The following IPO4 variants were observed in gnomAD, a reference collection of about 807,000 sequenced individuals.
The protein encoded by IPO4 is importin 4.
In IPO4, 91 loss-of-function variants were observed where a neutral mutation model predicts 133.5. That is an observed-to-expected ratio of 0.68 (90% CI 0.58 to 0.81). The LOEUF is 0.81. IPO4 is among the 30% of genes least tolerant of loss of function. IPO4 has a pLI of 0.00. For synonymous variants in IPO4, 607 were observed against 581.6 expected, an observed-to-expected ratio of 1.04 and a Z score of -0.63; for missense variants, 1,279 against 1,386.2, an observed-to-expected ratio of 0.92 and a Z score of 1.23.
chr14:24,188,557 G>A lies in IPO4; in HGVS notation c.151C>T (p.Pro51Ser). ...LCDLLASAAD[P>S]QIRQFAAVLT... ...GGGAGAGTCAGGGGTCTCACCTGGG[G>A]GTCGGCCGCCGAGGCTAGCAGGTCG... is the stretch of plus-strand genomic sequence containing the variant. Residue 51 changes from proline to serine, a missense_variant, in exon 2 of 30, where the codon CCC becomes TCC. Coordinates refer to ENST00000354464, the MANE Select transcript of IPO4 (RefSeq NM_024658.4). 6.2e-7 allele frequency: 1 copy of A among 1,612,248 alleles called. No individual in the cohort carries two copies. Among genetic ancestry groups the A allele is most frequent in the Admixed American group, 1.7e-5 (1 of 59,922 alleles).
Position 24,186,924 on chromosome 14 carries a change from G to A in IPO4, c.710C>T (p.Pro237Leu), listed in dbSNP as rs755138015. The change falls in exon 8 of 30, where the codon CCG becomes CTG. Residue 237 changes from proline (P) to leucine (L), a missense_variant. This residue lies in a region of IPO4 where 695 missense variants were observed against 704.1 expected (regional missense o/e 0.99). Coordinates refer to ENST00000354464, the MANE Select transcript of IPO4 (RefSeq NM_024658.4). Reference sequence around the variant, plus strand: ...TTCAGAGAGGTAGGGGGTGATGACCGGCACCTCTGACTCCAACAGTTCATC... The same window carrying A: ...TTCAGAGAGGTAGGGGGTGATGACCAGCACCTCTGACTCCAACAGTTCATC... ...ALDELLESEV[P>L]VITPYLSEVL... The A allele has an allele frequency of 8.1e-6, 13 of 1,613,974 alleles. No homozygotes were observed. In the South Asian group the frequency reaches 1.1e-4, roughly 14 times the overall value.
At position 24,184,707 on chromosome 14, in the gene IPO4, G is replaced by A. The variant is rs778027144; in HGVS notation, c.1579C>T (p.Arg527Trp). 1.2e-5 allele frequency: 20 copies of A among 1,612,932 alleles called. No individual in the cohort carries two copies. Among genetic ancestry groups the A allele is most frequent in the African/African-American group, 5.3e-5 (4 of 74,920 alleles). The change falls in exon 16 of 30, where the codon CGG becomes TGG. Residue 527 changes from arginine (R) to tryptophan (W), a missense_variant. Arg to Trp is a moderately radical substitution (Grantham distance 101). This residue lies in a region of IPO4 where 695 missense variants were observed against 704.1 expected (regional missense o/e 0.99). Coordinates refer to ENST00000354464, the MANE Select transcript of IPO4 (RefSeq NM_024658.4). ...TCACGGCCTGTTAACAGGAATTCCC[G>A]CAGGTGCTCCATGATGGCAGGGAAG... ...PYFPAIMEHL[R>W]EFLLTGREDL...
At position 24,185,531 on chromosome 14, in the gene IPO4, G is replaced by A; in HGVS notation, c.1206C>T (p.Gly402=). 1 of 1,614,162 alleles carries A rather than the reference G, an allele frequency of 6.2e-7. No homozygotes were observed. The highest frequency in any genetic ancestry group is 8.5e-7 in the Non-Finnish European group (1 of 1,180,022). Reference sequence around the variant, plus strand: ...GTACAACTTGCGAGGGGTCCTCCAGGCCCTTGCACACAATCTGCAGCAGTG... The same window carrying A: ...GTACAACTTGCGAGGGGTCCTCCAGACCCTTGCACACAATCTGCAGCAGTG... The part of the protein sequence containing the change: ...LPPLLQIVCK[G]LEDPSQVVRN... Residue 402 remains glycine (G), a synonymous_variant, in exon 13 of 30, where the codon GGC becomes GGT. Coordinates refer to ENST00000354464, the MANE Select transcript of IPO4 (RefSeq NM_024658.4).
In IPO4 at chr14:24,187,464, C is replaced by A. The variant is rs1234633884; in HGVS notation, c.524G>T (p.Gly175Val). Residue 175 changes from glycine to valine, a missense_variant, in exon 6 of 30, where the codon GGG (glycine) becomes GTG (valine). By Grantham distance (109) the Gly-to-Val change is moderately radical (BLOSUM62 -3). This residue lies in a region of IPO4 where 695 missense variants were observed against 704.1 expected (regional missense o/e 0.99). Coordinates refer to ENST00000354464, the MANE Select transcript of IPO4 (RefSeq NM_024658.4). The part of the protein sequence containing the change: ...NETLGEVGSP[G>V]LLFYSLRTLT... ...AGTGCGCAGGGAGTAGAAGAGCAGCCCAGGAGAGCCCACCTCACCAAGAGT... is the reference window on the plus strand; with the variant it reads ...AGTGCGCAGGGAGTAGAAGAGCAGCACAGGAGAGCCCACCTCACCAAGAGT... 1.2e-6 allele frequency: 2 copies of A among 1,614,052 alleles called. No individual in the cohort carries two copies. Among genetic ancestry groups the A allele is most frequent in the Admixed American group, 1.7e-5 (1 of 60,010 alleles).
intron 3 of IPO4, 22 bp downstream of exon 3, chr14:24,188,322 C>T: frequency 6.2e-7 from 1 of 1,613,288 alleles, no homozygotes; most frequent in Non-Finnish European, 8.5e-7. Flanking sequence ...CCTGGCCCCG[C>T]CCCACCCCAG....
chr14:24,186,846 T>C (rs2039229840), intron 8 of IPO4, 32 bp downstream of exon 8: 2 of 1,610,836 alleles, frequency 1.2e-6, no homozygotes, highest in Middle Eastern at 1.6e-4. Context: ...CAGCAGAGCA[T>C]GTAGCAGGGG....
intron 11 of IPO4, 39 bp from the exon 12 acceptor site, chr14:24,186,009 G>C: frequency 1.9e-6 from 3 of 1,604,256 alleles, no homozygotes; most frequent in Non-Finnish European, 2.6e-6. Flanking sequence ...ACCCCAGCAA[G>C]AGCCTGCCCA....
rs749979621 is a variant in IPO4 at position 24,188,723 on chromosome 14, CG to C, written c.64del (p.Arg22ValfsTer24). ...ELLLPDTERI[R>X]RATEQLQIVL... ...CCGGTTACGCCTGCTCCGTACCCGA[CG>C]GATGCGCTCGGTGTCCGGTAGCAGC... On this transcript the variant is annotated frameshift_variant, in exon 1 of 30. Transcript: ENST00000354464. LOFTEE classifies it high-confidence loss of function. 6.4e-7 allele frequency: 1 copy of C among 1,564,778 alleles called. No homozygotes were observed. Among genetic ancestry groups the C allele is most frequent in the South Asian group, 1.2e-5 (1 of 85,134 alleles).
At chr14:24,186,513 A>G in intron 9 of IPO4, 62 bp from the exon 10 acceptor site, 1 of 1,513,382 alleles carries the variant, frequency 6.6e-7, no homozygotes, top group Non-Finnish European at 8.9e-7. Flanking sequence ...CTCACATTAA[A>G]AATTCCAGTC....
Position 24,182,114 on chromosome 14 carries a change from G to T in IPO4, c.2648C>A (p.Ala883Glu). ...AGCACCCAGGCCCTGAATAGTCTCT[G>T]CCAAGGTCCCCACTGCAAAGGACTT... ...AEKSFAVGTL[A>E]ETIQGLGAAS... Residue 883 changes from alanine to glutamate, a missense_variant, in exon 26 of 30, where the codon GCA becomes GAA. Transcript: ENST00000354464. The T allele has an allele frequency of 6.2e-7, 1 of 1,613,982 alleles. No individual in the cohort carries two copies. Among genetic ancestry groups the T allele is most frequent in the South Asian group, 1.1e-5 (1 of 91,088 alleles).
chr14:24,188,515 CAGT>C, intron 2 of IPO4, 34 bp downstream of exon 2: 1 of 1,608,256 alleles, frequency 6.2e-7, no homozygotes, highest in African/African-American at 1.3e-5. Context: ...CGGTGGCGTA[CAGT>C]GGGAAGCTCG....
Position 24,185,948 on chromosome 14 carries a change from A to G in IPO4, c.1082T>C (p.Leu361Ser), listed in dbSNP as rs1360539172. 2 of 1,614,104 alleles carry G rather than the reference A, an allele frequency of 1.2e-6. No individual in the cohort carries two copies. The highest frequency in any genetic ancestry group is 1.7e-6 in the Non-Finnish European group (2 of 1,180,016). ...GCGCTGGTATGGGCTCTCGCTCCGC[A>G]AAGCCTCTTCCAACATGGGCATCTA... ...PQLMPMLEEALRSESPYQRKA... is the reference protein window; with the variant it reads ...PQLMPMLEEASRSESPYQRKA... Residue 361 changes from leucine to serine, a missense_variant, in exon 12 of 30, where the codon TTG becomes TCG. Coordinates refer to ENST00000354464, the MANE Select transcript of IPO4 (RefSeq NM_024658.4).
At position 24,182,283 on chromosome 14, in the gene IPO4, T is replaced by C. The variant is rs371552365; in HGVS notation, c.2593A>G (p.Lys865Glu). Residue 865 changes from lysine to glutamate, a missense_variant, in exon 25 of 30, where the codon AAG (lysine) becomes GAG (glutamate). Around this residue, in one of 3 missense-constraint regions of IPO4, gnomAD observed 575 missense variants for 653.4 expected, o/e 0.88. Transcript: ENST00000354464. ...FAGFLPLLVC[K>E]TKQGCTVAEK... ...GCCAGAAGATGGACACTCACTGTCT[T>C]GCACACCAATAATGGCAGGAAACCG... 2 of 1,614,122 alleles carry C rather than the reference T, an allele frequency of 1.2e-6. No homozygotes were observed. Among genetic ancestry groups the C allele is most frequent in the Admixed American group, 1.7e-5 (1 of 60,026 alleles).
chr14:24,186,982 G>A lies in IPO4; in HGVS notation c.655-3C>T. On this transcript the variant is annotated splice_polypyrimidine_tract_variant and splice_region_variant and intron_variant, in intron 7 of 29. Coordinates refer to ENST00000354464, the MANE Select transcript of IPO4 (RefSeq NM_024658.4). ...TCAAGGGCCTCACAGGCCTTTGCCTGACAGACAAACAAGGCACAAGGTTAC... is the reference window on the plus strand; with the variant it reads ...TCAAGGGCCTCACAGGCCTTTGCCTAACAGACAAACAAGGCACAAGGTTAC... 1.2e-6 allele frequency: 2 copies of A among 1,613,742 alleles called. No homozygotes were observed. Among genetic ancestry groups the A allele is most frequent in the Non-Finnish European group, 1.7e-6 (2 of 1,179,642 alleles).
At position 24,180,736 on chromosome 14, in the gene IPO4, A is replaced by C; in HGVS notation, c.3068T>G (p.Leu1023Arg). ...PDQVIDVAPE[L>R]LRICSLILAD... ...CAGAATGAGGCTGCAGATACGCAGA[A>C]GCTCGGGAGCCACATCTATAACCTG... Residue 1023 changes from leucine to arginine, a missense_variant, in exon 29 of 30, where the codon CTT becomes CGT. Leu to Arg is a moderately radical substitution (Grantham distance 102). Coordinates refer to ENST00000354464, the MANE Select transcript of IPO4 (RefSeq NM_024658.4). 6.2e-7 allele frequency: 1 copy of C among 1,614,082 alleles called. No homozygotes were observed. Among genetic ancestry groups the C allele is most frequent in the East Asian group, 2.2e-5 (1 of 44,888 alleles).
Position 24,185,918 on chromosome 14 carries a change from G to A in IPO4, c.1112C>T (p.Ala371Val), listed in dbSNP as rs1267050856. ...CAGCACGGCCAGCACCAGGAGTCCA[G>A]CTTTGCGCTGGTATGGGCTCTCGCT... ...LRSESPYQRK[A>V]GLLVLAVLSD... Residue 371 changes from alanine (A) to valine (V), a missense_variant, in exon 12 of 30, where the codon GCT becomes GTT. Physicochemically the swap from Ala to Val is moderately conservative, Grantham distance 64. Transcript: ENST00000354464. 1 of 1,614,094 alleles carries A rather than the reference G, an allele frequency of 6.2e-7. No individual in the cohort carries two copies. The highest frequency in any genetic ancestry group is 8.5e-7 in the Non-Finnish European group (1 of 1,180,020).
Position 24,188,560 on chromosome 14 carries a change from C to A in IPO4, c.148G>T (p.Asp50Tyr). 2 of 1,612,220 alleles carry A rather than the reference C, an allele frequency of 1.2e-6. No individual in the cohort carries two copies. Among genetic ancestry groups the A allele is most frequent in the Non-Finnish European group, 1.7e-6 (2 of 1,179,368 alleles). Residue 50 changes from aspartate (D) to tyrosine (Y), a missense_variant, in exon 2 of 30, where the codon GAC becomes TAC. Asp to Tyr is a radical substitution (Grantham distance 160). This residue lies in a region of IPO4 where 695 missense variants were observed against 704.1 expected (regional missense o/e 0.99). Coordinates refer to ENST00000354464, the MANE Select transcript of IPO4 (RefSeq NM_024658.4). ...ALCDLLASAADPQIRQFAAVL... is the reference protein window; with the variant it reads ...ALCDLLASAAYPQIRQFAAVL... ...AGAGTCAGGGGTCTCACCTGGGGGTCGGCCGCCGAGGCTAGCAGGTCGCAG... is the reference window on the plus strand; with the variant it reads ...AGAGTCAGGGGTCTCACCTGGGGGTAGGCCGCCGAGGCTAGCAGGTCGCAG...
At chr14:24,188,060 A>G in intron 4 of IPO4, 156 bp downstream of exon 4, 1 of 849,412 alleles carries the variant, frequency 1.2e-6, no homozygotes, top group Admixed American at 2.4e-5. Flanking sequence ...ACCCTTCCTC[A>G]AGAACTTTAG....
intron 24 of IPO4, 156 bp downstream of exon 24, chr14:24,182,636 C>G (rs8014865): frequency 6.0e-6 from 6 of 996,210 alleles, no homozygotes; most frequent in Non-Finnish European, 9.5e-6. Context: ...TGAACTCCCA[C>G]TGGCTTAGTG....
Sources: allele counts gnomAD v4.1 joint callset, GRCh38; gene constraint gnomAD v4.1.1; regional missense constraint gnomAD v4.1.1; transcripts MANE v1.5; gene names NCBI Gene and HGNC (gene_info 2026-07-23, HGNC 2026-07-21).